Variants in SHANK2 observed in about 807,000 individuals in gnomAD.
The protein encoded by SHANK2 is SH3 and multiple ankyrin repeat domains 2, also known as SH3 and multiple ankyrin repeat domains protein 2.
A neutral mutation model predicts 133.7 loss-of-function variants in SHANK2; 43 were observed. The observed-to-expected ratio is 0.32, with a 90% confidence interval of 0.25 to 0.41. SHANK2 has a LOEUF of 0.41. SHANK2 is among the 10% of genes least tolerant of loss of function. The pLI, the probability that SHANK2 is intolerant of heterozygous loss-of-function variation, is 1.00. For synonymous variants in SHANK2, 1,017 were observed against 952.8 expected, an observed-to-expected ratio of 1.07 and a Z score of -1.24; for missense variants, 1,994 against 2,235.8, an observed-to-expected ratio of 0.89 and a Z score of 2.18.
At position 70,522,925 on chromosome 11, in the gene SHANK2, G is replaced by T. The variant is rs114704016; in HGVS notation, c.2062-19994C>A. Among the ~76,000 whole-genome samples, 1,073 of 152,340 alleles carry T rather than the reference G, an allele frequency of 7.0e-3. 9 individuals are homozygous for T. The highest frequency in any genetic ancestry group is 0.024 in the African/African-American group (996 of 41,582). ...ACAGTTGCCCCGGCAACGTGCGGCCGCGGGCAGGCTACCTTCACTGAGGCC... is the reference window on the plus strand; with the variant it reads ...ACAGTTGCCCCGGCAACGTGCGGCCTCGGGCAGGCTACCTTCACTGAGGCC... On this transcript the variant is annotated intron_variant, in intron 17 of 25. Transcript: ENST00000601538.
chr11:70,676,530 G>T (rs1944908940), intron 15 of SHANK2, among the ~76,000 whole-genome samples: 1 of 152,256 alleles, frequency 6.6e-6, no homozygotes, highest in Non-Finnish European at 1.5e-5. Context: ...AGATGTCACT[G>T]CCCGTGCAAT....
chr11:70,601,159 C>G (rs1293114509), intron 17 of SHANK2, among the ~76,000 whole-genome samples: 5 of 152,080 alleles, frequency 3.3e-5, no homozygotes, highest in Non-Finnish European at 5.9e-5. Flanking sequence ...TTAAGCGATT[C>G]TCATGCCTCA....
At chr11:71,141,100 C>T (rs7108513) in intron 3 of SHANK2, among the ~76,000 whole-genome samples, 101 of 152,340 alleles carry the variant, frequency 6.6e-4, no homozygotes, top group Middle Eastern at 3.4e-3. Flanking sequence ...GTGGGGCTCC[C>T]GGGGCTGGCT....
At position 70,762,705 on chromosome 11, in the gene SHANK2, T is replaced by C. The variant is rs376982944; in HGVS notation, c.1777+35738A>G. Among the ~76,000 whole-genome samples, 177 of 152,296 alleles carry C rather than the reference T, an allele frequency of 1.2e-3. 3 individuals carry two copies. The highest frequency in any genetic ancestry group is 4.0e-3 in the African/African-American group (167 of 41,578). ...TGAGCCATCTGGATGGCCTAGTGTC[T>C]ACCTTAGGGCAGGTGCCCCTGGGTC... On this transcript the variant is annotated intron_variant, in intron 14 of 25. Coordinates refer to ENST00000601538, the MANE Select transcript of SHANK2 (RefSeq NM_012309.5).
At chr11:70,654,828 C>T (rs1367504666) in intron 17 of SHANK2, among the ~76,000 whole-genome samples, 1 of 149,628 alleles carries the variant, frequency 6.7e-6, no homozygotes, top group Non-Finnish European at 1.5e-5. Flanking sequence ...AGTGCAGTGG[C>T]GTGATCTCGG....
intron 12 of SHANK2, among the ~76,000 whole-genome samples, chr11:70,813,098 C>G (rs1030373022): frequency 6.6e-6 from 1 of 151,950 alleles, no homozygotes; most frequent in Admixed American, 6.5e-5. Flanking sequence ...TGCAGACCCC[C>G]GTGAATGGTA....
chr11:70,560,134 A>C (rs2059888334), intron 17 of SHANK2, among the ~76,000 whole-genome samples: 1 of 152,102 alleles, frequency 6.6e-6, no homozygotes, highest in Non-Finnish European at 1.5e-5. Context: ...AGACTCCCAA[A>C]GTGCTTGGAT....
In SHANK2 at chr11:71,246,475, G is replaced by A. The variant is rs140449539; in HGVS notation, c.-113+5950C>T. 1.7e-3 allele frequency among the ~76,000 whole-genome samples: 253 copies of A among 152,256 alleles called. 2 individuals are homozygous for A. Among genetic ancestry groups the A allele is most frequent in the African/African-American group, 5.9e-3 (244 of 41,542 alleles). ...TGGCATCACATGTCACTGCCTTCAC[G>A]TAAGTATCATCACTGTCCCCAGGTA... On this transcript the variant is annotated intron_variant, in intron 1 of 25. Coordinates refer to ENST00000601538, the MANE Select transcript of SHANK2 (RefSeq NM_012309.5).
chr11:71,203,954 G>A (rs571381000), intron 2 of SHANK2, among the ~76,000 whole-genome samples: 2 of 152,338 alleles, frequency 1.3e-5, no homozygotes, highest in South Asian at 4.1e-4. Flanking sequence ...AACACGGAAA[G>A]CGGGCGCCTG....
At chr11:70,682,251 C>T (rs895995165) in intron 15 of SHANK2, among the ~76,000 whole-genome samples, 3 of 152,158 alleles carry the variant, frequency 2.0e-5, no homozygotes, top group African/African-American at 7.2e-5. Flanking sequence ...ACCCCACCCC[C>T]GGACGGTTAC....
At chr11:70,924,361 C>T (rs527785162) in intron 10 of SHANK2, among the ~76,000 whole-genome samples, 6 of 152,086 alleles carry the variant, frequency 3.9e-5, no homozygotes, top group Admixed American at 6.5e-5. Context: ...ATCTCGGGGC[C>T]GGGCTCAGGT....
At chr11:70,664,866 T>TCAC (rs1555014454) in intron 15 of SHANK2, among the ~76,000 whole-genome samples, 1 of 152,060 alleles carries the variant, frequency 6.6e-6, no homozygotes, top group Non-Finnish European at 1.5e-5. Context: ...GACCCCAAGG[T>TCAC]CACTGACCTA....
intron 10 of SHANK2, among the ~76,000 whole-genome samples, chr11:70,927,374 T>C (rs12281632): frequency 0.051 from 7,766 of 152,184 alleles, 631 homozygotes; most frequent in African/African-American, 0.17. Context: ...CAGGGTCATT[T>C]CACTGCCTGG....
chr11:70,803,272 T>A (rs1350607977), intron 13 of SHANK2, among the ~76,000 whole-genome samples: 5 of 36,696 alleles, frequency 1.4e-4, no homozygotes, highest in Non-Finnish European at 2.9e-4. Context: ...CACCCACCTA[T>A]CAAACTCAAC....
intron 10 of SHANK2, among the ~76,000 whole-genome samples, chr11:70,944,774 C>A (rs1590859979): frequency 6.6e-6 from 1 of 152,336 alleles, no homozygotes; most frequent in Non-Finnish European, 1.5e-5. Flanking sequence ...ATTTCTCCCT[C>A]ATTATTCAGA....
At chr11:70,788,423 T>C (rs1400164757) in intron 14 of SHANK2, among the ~76,000 whole-genome samples, 2 of 152,200 alleles carry the variant, frequency 1.3e-5, no homozygotes, top group Non-Finnish European at 2.9e-5. Flanking sequence ...TGCATGCCAT[T>C]CTGAGTAGCG....
At chr11:70,770,217 T>G (rs1947216988) in intron 14 of SHANK2, among the ~76,000 whole-genome samples, 1 of 152,212 alleles carries the variant, frequency 6.6e-6, no homozygotes, top group African/African-American at 2.4e-5. Context: ...GACTTGGAGC[T>G]CGGCTGTGTC....
At chr11:70,832,395 G>A (rs1385069803) in intron 11 of SHANK2, among the ~76,000 whole-genome samples, 1 of 152,190 alleles carries the variant, frequency 6.6e-6, no homozygotes, top group African/African-American at 2.4e-5. Flanking sequence ...CTCCCTGACT[G>A]ATCCAGGCAG....
intron 17 of SHANK2, among the ~76,000 whole-genome samples, chr11:70,546,013 G>T (rs2059688613): frequency 6.6e-6 from 1 of 152,138 alleles, no homozygotes; most frequent in Non-Finnish European, 1.5e-5. Flanking sequence ...GGCAAATGGG[G>T]GGTGCAGAGC....
Sources: allele counts gnomAD v4.1 joint callset (sites outside exome capture counted in the v4.1 genomes callset), GRCh38; gene constraint gnomAD v4.1.1; transcripts MANE v1.5; gene names NCBI Gene and HGNC (gene_info 2026-07-23, HGNC 2026-07-21).